Variants in AGBL4 observed in about 807,000 individuals in gnomAD.
AGBL4 encodes the protein AGBL carboxypeptidase 4, also known as cytosolic carboxypeptidase 6.
In AGBL4, 58 loss-of-function variants were observed where a neutral mutation model predicts 66.4. The ratio of observed to expected loss-of-function variants is 0.87; its 90% CI spans 0.71 to 1.09. The LOEUF (loss-of-function observed/expected upper bound fraction) is 1.09. AGBL4 is among the 50% of genes least tolerant of loss of function. The pLI, the probability that AGBL4 is intolerant of heterozygous loss-of-function variation, is 0.00. For synonymous variants in AGBL4, 234 were observed against 222.9 expected (o/e 1.05, Z -0.44); for missense variants, 579 against 631.0 (o/e 0.92, Z 0.88).
chr1:48,880,283 G>A (rs542869634), intron 5 of AGBL4, among the ~76,000 whole-genome samples: 6 of 152,246 alleles, frequency 3.9e-5, no homozygotes, highest in South Asian at 2.1e-4. Flanking sequence ...AGGTCACTGC[G>A]AATGCCATTA....
intron 2 of AGBL4, chr1:49,845,944 C>G: frequency 6.6e-7 from 1 of 1,512,686 alleles, no homozygotes; most frequent in Middle Eastern, 1.7e-4. Flanking sequence ...GCAAGGCATT[C>G]AGCCACAGCT....
At chr1:49,224,778 C>G (rs566889645) in intron 4 of AGBL4, among the ~76,000 whole-genome samples, 18 of 152,242 alleles carry the variant, frequency 1.2e-4, no homozygotes, top group African/African-American at 4.3e-4. Context: ...GACACAGTCT[C>G]TACTCTTTAG....
chr1:48,562,645 G>A (rs1026847393), intron 11 of AGBL4, among the ~76,000 whole-genome samples: 3 of 152,150 alleles, frequency 2.0e-5, no homozygotes, highest in African/African-American at 7.2e-5. Context: ...TAAAGCATCA[G>A]TAAAAACAGA....
chr1:48,709,414 C>T (rs920848270), intron 6 of AGBL4, among the ~76,000 whole-genome samples: 14 of 152,028 alleles, frequency 9.2e-5, no homozygotes, highest in African/African-American at 2.4e-4. Flanking sequence ...ACCTACACAC[C>T]GAATAGAAAA....
At chr1:49,115,050 T>C (rs2148029501) in intron 4 of AGBL4, among the ~76,000 whole-genome samples, 1 of 152,080 alleles carries the variant, frequency 6.6e-6, no homozygotes, top group East Asian at 1.9e-4. Flanking sequence ...ACCTTAAATT[T>C]GAAACAAAAA....
At chr1:49,858,735 G>T (rs1353849084) in intron 1 of AGBL4, among the ~76,000 whole-genome samples, 2 of 152,016 alleles carry the variant, frequency 1.3e-5, no homozygotes, top group Admixed American at 1.3e-4. Flanking sequence ...GCATGAAAAA[G>T]GCCAGGCAAG....
intron 2 of AGBL4, among the ~76,000 whole-genome samples, chr1:49,799,187 C>A (rs1437523703): frequency 6.6e-6 from 1 of 152,042 alleles, no homozygotes; most frequent in Non-Finnish European, 1.5e-5. Context: ...ACACAGAGAG[C>A]TTTAAAATAT....
At chr1:49,225,034 C>G (rs963017060) in intron 4 of AGBL4, among the ~76,000 whole-genome samples, 1 of 152,102 alleles carries the variant, frequency 6.6e-6, no homozygotes, top group African/African-American at 2.4e-5. Context: ...AAAAGGAAAG[C>G]AAAGCAGTCA....
At chr1:48,898,118 T>C (rs1238591721) in intron 5 of AGBL4, among the ~76,000 whole-genome samples, 2 of 152,194 alleles carry the variant, frequency 1.3e-5, no homozygotes, top group Non-Finnish European at 2.9e-5. Context: ...GACTGCCCAC[T>C]TTTTTGATTA....
chr1:49,368,033 T>C (rs533734091), intron 3 of AGBL4, among the ~76,000 whole-genome samples: 12 of 152,242 alleles, frequency 7.9e-5, no homozygotes, highest in Non-Finnish European at 1.6e-4. Flanking sequence ...GTCTTTTGTG[T>C]CTGGATTCCC....
chr1:48,948,417 G>A (rs1656699266), intron 5 of AGBL4, among the ~76,000 whole-genome samples: 1 of 152,182 alleles, frequency 6.6e-6, no homozygotes, highest in East Asian at 1.9e-4. Flanking sequence ...TCTGTAGATG[G>A]TTTTGCCGCC....
At chr1:49,771,251 T>C (rs775981678) in intron 2 of AGBL4, among the ~76,000 whole-genome samples, 3 of 152,152 alleles carry the variant, frequency 2.0e-5, no homozygotes. Flanking sequence ...AATTTATTCA[T>C]TGGCCCATTG....
At chr1:48,724,074 T>C (rs1222980653) in intron 6 of AGBL4, among the ~76,000 whole-genome samples, 1 of 152,140 alleles carries the variant, frequency 6.6e-6, no homozygotes, top group African/African-American at 2.4e-5. Flanking sequence ...GGTCACTGCA[T>C]ACGGGGTCAG....
chr1:48,624,772 AG>A (rs1266067711), intron 9 of AGBL4, among the ~76,000 whole-genome samples: 2 of 152,228 alleles, frequency 1.3e-5, no homozygotes, highest in Non-Finnish European at 2.9e-5. Context: ...ATAGGCTTGC[AG>A]GTGGGTTCTA....
chr1:48,710,073 C>T (rs764382065), intron 6 of AGBL4, among the ~76,000 whole-genome samples: 7 of 152,154 alleles, frequency 4.6e-5, no homozygotes, highest in Non-Finnish European at 8.8e-5. Context: ...ATGAAGACAG[C>T]ATTCAAGTCT....
intron 1 of AGBL4, among the ~76,000 whole-genome samples, chr1:49,927,141 G>A (rs1473030279): frequency 6.6e-6 from 1 of 152,110 alleles, no homozygotes; most frequent in Admixed American, 6.5e-5. Context: ...TTAAGGGTGG[G>A]TCTGCCTTTC....
At chr1:48,579,915 C>CAAAA (rs35518235) in intron 11 of AGBL4, among the ~76,000 whole-genome samples, 8 of 65,716 alleles carry the variant, frequency 1.2e-4, no homozygotes, top group African/African-American at 1.8e-4. Context: ...GACTCCGCCT[C>CAAAA]AAAAAAAAAA....
At chr1:48,991,512 T>C (rs1571176860) in intron 5 of AGBL4, among the ~76,000 whole-genome samples, 1 of 152,346 alleles carries the variant, frequency 6.6e-6, no homozygotes, top group East Asian at 1.9e-4. Flanking sequence ...TGAATATTGA[T>C]AGCTTTCTCA....
intron 3 of AGBL4, among the ~76,000 whole-genome samples, chr1:49,247,306 G>A (rs1651721379): frequency 6.6e-6 from 1 of 152,022 alleles, no homozygotes; most frequent in Non-Finnish European, 1.5e-5. Context: ...ATAATAAAAT[G>A]CTTTGTTCCA....
Sources: allele counts gnomAD v4.1 joint callset (sites outside exome capture counted in the v4.1 genomes callset), GRCh38; gene constraint gnomAD v4.1.1; transcripts MANE v1.5; gene names NCBI Gene and HGNC (gene_info 2026-07-23, HGNC 2026-07-21).